Variants in OTULIN observed in about 807,000 individuals in gnomAD.
The protein encoded by OTULIN is ubiquitin thioesterase otulin.
In OTULIN, 15 loss-of-function variants were observed where a neutral mutation model predicts 39.6. That is an observed-to-expected ratio of 0.38 (90% CI 0.25 to 0.58). OTULIN has a LOEUF of 0.58. Among genes scored for constraint, OTULIN ranks in the 20% least tolerant of loss-of-function variants. The pLI, the probability that OTULIN is intolerant of heterozygous loss-of-function variation, is 0.66. For synonymous variants in OTULIN, 156 were observed against 170.3 expected, an observed-to-expected ratio of 0.92 and a Z score of 0.65; for missense variants, 319 against 445.9, an observed-to-expected ratio of 0.72 and a Z score of 2.56.
intron 1 of OTULIN, among the ~76,000 whole-genome samples, chr5:14,672,780 T>G (rs904891279): frequency 2.7e-4 from 41 of 152,220 alleles, no homozygotes; most frequent in African/African-American, 9.9e-4. Context: ...TTCCCTGTCC[T>G]GTGTCATTTA....
At chr5:14,709,392 A>AC in the OTULIN span, 1 of 152,224 alleles carries the variant, frequency 6.6e-6, no homozygotes. Context: ...TCATATATGT[A>AC]TTAATGGAGG....
In OTULIN at chr5:14,673,678, A is replaced by G. The variant is rs1311660624; in HGVS notation, c.189A>G (p.Glu63=). The G allele has an allele frequency of 1.2e-6, 2 of 1,613,870 alleles. No homozygotes were observed. The highest frequency in any genetic ancestry group is 8.5e-7 in the Non-Finnish European group (1 of 1,179,884). ...EDMYRAADEI[E]KEKELLIHER... is the part of the protein sequence containing the mutation. The stretch of plus-strand genomic sequence containing the variant: ...TGTACCGTGCTGCAGATGAAATAGA[A>G]AAGGAGAAAGAATTGCTTATACATG... The change falls in exon 2 of 7, where the codon GAA becomes GAG. Residue 63 remains glutamate (E), a synonymous_variant. Transcript: ENST00000284274.
At chr5:14,673,820 T>G in intron 2 of OTULIN, 102 bp downstream of exon 2, 1 of 946,610 alleles carries the variant, frequency 1.1e-6, no homozygotes, top group Non-Finnish European at 1.6e-6. Flanking sequence ...TAAAATATTC[T>G]TATGTATATG....
At chr5:14,674,881 A>G (rs1736066659) in intron 2 of OTULIN, among the ~76,000 whole-genome samples, 1 of 152,234 alleles carries the variant, frequency 6.6e-6, no homozygotes, top group Non-Finnish European at 1.5e-5. Flanking sequence ...CAGGCCTGGG[A>G]ATTTAACAAT....
Position 14,669,321 on chromosome 5 carries a change from C to T in OTULIN, c.153-4321C>T, listed in dbSNP as rs138099572. Among the ~76,000 whole-genome samples the T allele has an allele frequency of 4.6e-5, 7 of 152,172 alleles. No homozygotes were observed. In the East Asian group the frequency reaches 9.7e-4, roughly 21 times the overall value. On this transcript the variant is annotated intron_variant, in intron 1 of 6. Transcript: ENST00000284274. The stretch of plus-strand genomic sequence containing the variant: ...CAGAGGTTGCAGTGAGCCGAGACTG[C>T]GCCGTTGCACTCCAGCCTATGCAAT...
At chr5:14,684,556 C>T (rs546332357) in intron 4 of OTULIN, among the ~76,000 whole-genome samples, 1 of 152,348 alleles carries the variant, frequency 6.6e-6, no homozygotes, top group African/African-American at 2.4e-5. Context: ...TCTGGCCCCC[C>T]TGGCCCCACA....
intron 3 of OTULIN, among the ~76,000 whole-genome samples, chr5:14,680,546 G>A (rs1216257080): frequency 6.6e-6 from 1 of 152,180 alleles, no homozygotes; most frequent in Non-Finnish European, 1.5e-5. Flanking sequence ...GAGATGGTGG[G>A]CAGTTCAGTC....
At chr5:14,673,412 T>G (rs1226057226) in intron 1 of OTULIN, among the ~76,000 whole-genome samples, 2 of 152,250 alleles carry the variant, frequency 1.3e-5, no homozygotes, top group Non-Finnish European at 2.9e-5. Context: ...TGAAGTGATG[T>G]AACTTGTCTT....
In OTULIN at chr5:14,678,665, TTA is replaced by T; in HGVS notation, c.230-15_230-14del. 5 of 1,536,842 alleles carry T rather than the reference TTA, an allele frequency of 3.3e-6. No homozygotes were observed. Among genetic ancestry groups the T allele is most frequent in the South Asian group, 1.2e-5 (1 of 80,610 alleles). ...GATTTATTATTTGCTTTTTTTTTTTTTAAATTCTTTAACAGAACCGAGATTAA... is the reference window on the plus strand; with the variant it reads ...GATTTATTATTTGCTTTTTTTTTTTTAATTCTTTAACAGAACCGAGATTAA... On this transcript the variant is annotated splice_polypyrimidine_tract_variant and intron_variant, in intron 2 of 6. Coordinates refer to ENST00000284274, the MANE Select transcript of OTULIN (RefSeq NM_138348.6).
the OTULIN span, among the ~76,000 whole-genome samples, chr5:14,713,306 T>C: frequency 6.6e-6 from 1 of 152,304 alleles, no homozygotes; most frequent in Admixed American, 6.5e-5. The surrounding 1 kb of genome is among the most constrained non-coding windows in gnomAD (Gnocchi z 4.4). Flanking sequence ...GGGCCGGCCA[T>C]GCCCTGACAG....
the OTULIN span, chr5:14,708,048 C>T: frequency 6.6e-6 from 1 of 152,196 alleles, no homozygotes; most frequent in African/African-American, 2.4e-5. Flanking sequence ...TCCAATCCTA[C>T]CGTGACTTTC....
intron 6 of OTULIN, among the ~76,000 whole-genome samples, chr5:14,691,112 C>A (rs538853530): frequency 6.6e-6 from 1 of 152,346 alleles, no homozygotes; most frequent in East Asian, 1.9e-4. Flanking sequence ...ATAGTTGAGT[C>A]ACCACACCTT....
intron 4 of OTULIN, among the ~76,000 whole-genome samples, chr5:14,682,200 A>G (rs1372128847): frequency 1.3e-5 from 2 of 152,258 alleles, no homozygotes. Flanking sequence ...GGATAAAGGC[A>G]TATAGTCAGG....
At chr5:14,689,250 C>T (rs1415150567) in intron 5 of OTULIN, among the ~76,000 whole-genome samples, 1 of 152,184 alleles carries the variant, frequency 6.6e-6, no homozygotes, top group Non-Finnish European at 1.5e-5. Flanking sequence ...CAAGTACCAG[C>T]CTTCAGCCCA....
Position 14,693,275 on chromosome 5 carries a change from G to A in OTULIN, c.*227G>A. ...ATATATTTCAGTGGGGGCCTTCAGAGCACACCTGTTGGACGGTGCAAACCA... is the reference window on the plus strand; with the variant it reads ...ATATATTTCAGTGGGGGCCTTCAGAACACACCTGTTGGACGGTGCAAACCA... On this transcript the variant is annotated 3_prime_UTR_variant, in exon 7 of 7. Transcript: ENST00000284274. 1 of 489,902 alleles carries A rather than the reference G, an allele frequency of 2.0e-6. No individual in the cohort carries two copies. Among genetic ancestry groups the A allele is most frequent in the South Asian group, 3.5e-5 (1 of 28,282 alleles). The allele number at this position is 489,902 out of a possible 1,614,324, so 30.3% of individuals were successfully genotyped here.
chr5:14,702,673 C>T (rs1357170991), downstream of OTULIN, among the ~76,000 whole-genome samples: 6 of 151,932 alleles, frequency 3.9e-5, no homozygotes, highest in Non-Finnish European at 7.4e-5. Context: ...CCATCAGGGG[C>T]GGTGGAGATA....
intron 4 of OTULIN, among the ~76,000 whole-genome samples, chr5:14,683,707 A>G: frequency 6.6e-6 from 1 of 152,102 alleles, no homozygotes. Context: ...TTTAGGCAAA[A>G]TTTTCCTTTT....
chr5:14,676,760 A>G (rs1736114579), intron 2 of OTULIN, among the ~76,000 whole-genome samples: 1 of 152,208 alleles, frequency 6.6e-6, no homozygotes, highest in South Asian at 2.1e-4. Context: ...CCTGGAGGAA[A>G]AATGTGGACC....
the OTULIN span, among the ~76,000 whole-genome samples, chr5:14,712,601 C>T: frequency 7.2e-5 from 11 of 152,336 alleles, no homozygotes; most frequent in East Asian, 1.9e-4. Context: ...GCCCCATCTA[C>T]GCTGGCTTTC....
Sources: allele counts gnomAD v4.1 joint callset (sites outside exome capture counted in the v4.1 genomes callset), GRCh38; gene constraint gnomAD v4.1.1; non-coding constraint Gnocchi (gnomAD v3.1); transcripts MANE v1.5; gene names NCBI Gene and HGNC (gene_info 2026-07-23, HGNC 2026-07-21).